COLEC10: variants seen among roughly 807,000 people sequenced by gnomAD.
COLEC10 encodes collectin-10.
A neutral mutation model predicts 28.4 loss-of-function variants in COLEC10; 22 were observed. The ratio of observed to expected loss-of-function variants is 0.78; its 90% CI spans 0.55 to 1.11. The LOEUF (loss-of-function observed/expected upper bound fraction) is 1.11, where lower values mean the gene tolerates loss of function less well. Among genes scored for constraint, COLEC10 ranks in the 50% least tolerant of loss-of-function variants. The pLI, the probability that COLEC10 is intolerant of heterozygous loss-of-function variation, is 0.00. For synonymous variants in COLEC10, 125 were observed against 116.1 expected, an observed-to-expected ratio of 1.08 and a Z score of -0.49; for missense variants, 361 against 344.1, an observed-to-expected ratio of 1.05 and a Z score of -0.39.
At chr8:119,027,515 T>G (rs1014429267) in intron 2 of COLEC10, among the ~76,000 whole-genome samples, 1 of 152,182 alleles carries the variant, frequency 6.6e-6, no homozygotes, top group South Asian at 2.1e-4. Flanking sequence ...GTCATCAGTT[T>G]CCTCCTTAAA....
intron 3 of COLEC10, among the ~76,000 whole-genome samples, chr8:119,091,481 T>C (rs1815594791): frequency 6.6e-6 from 1 of 150,434 alleles, no homozygotes; most frequent in Non-Finnish European, 1.5e-5. Flanking sequence ...TTTGAGCCCA[T>C]AAGTTTGAGT....
intron 2 of COLEC10, among the ~76,000 whole-genome samples, chr8:119,059,804 C>G (rs1814822627): frequency 6.6e-6 from 1 of 152,006 alleles, no homozygotes. Context: ...GTGATGGATA[C>G]CGTGAAAGTC....
the COLEC10 span, among the ~76,000 whole-genome samples, chr8:118,958,180 C>T: frequency 6.6e-5 from 10 of 152,124 alleles, no homozygotes; most frequent in Admixed American, 2.0e-4. Context: ...CTTTCATCAC[C>T]GCAGTTTCTT....
chr8:118,972,529 G>A, the COLEC10 span, among the ~76,000 whole-genome samples: 2 of 151,806 alleles, frequency 1.3e-5, no homozygotes, highest in African/African-American at 2.4e-5. Flanking sequence ...TCAATCCAAG[G>A]TAGACCTCCA....
chr8:119,031,871 A>G (rs891279556), intron 2 of COLEC10, among the ~76,000 whole-genome samples: 4 of 150,558 alleles, frequency 2.7e-5, no homozygotes, highest in African/African-American at 9.9e-5. Flanking sequence ...ATCTTAAAGA[A>G]TGAGACCTTA....
At chr8:119,051,260 G>A (rs1814668414) in intron 2 of COLEC10, among the ~76,000 whole-genome samples, 1 of 152,122 alleles carries the variant, frequency 6.6e-6, no homozygotes, top group Non-Finnish European at 1.5e-5. Context: ...ACTGTTTCAT[G>A]TGATATTTGG....
At chr8:118,967,233 G>A in the COLEC10 span, among the ~76,000 whole-genome samples, 4 of 151,998 alleles carry the variant, frequency 2.6e-5, no homozygotes, top group Admixed American at 2.0e-4. Context: ...GATTTATTCT[G>A]ATGTACAAGT....
chr8:119,027,024 C>G (rs1269550979), intron 2 of COLEC10, among the ~76,000 whole-genome samples: 3 of 152,118 alleles, frequency 2.0e-5, no homozygotes, highest in Non-Finnish European at 4.4e-5. Flanking sequence ...ACTGTCACAC[C>G]TTGGGATGAA....
At chr8:119,061,372 A>T (rs2130196262) in intron 2 of COLEC10, among the ~76,000 whole-genome samples, 1 of 152,052 alleles carries the variant, frequency 6.6e-6, no homozygotes, top group East Asian at 1.9e-4. Flanking sequence ...ACCTACAGTT[A>T]GCCAATACAG....
chr8:119,097,265 A>C (rs1815739698), intron 3 of COLEC10, among the ~76,000 whole-genome samples: 1 of 151,926 alleles, frequency 6.6e-6, no homozygotes, highest in African/African-American at 2.4e-5. Context: ...TTTTTTTTTC[A>C]GTAAGCAAAG....
chr8:119,100,746 T>G lies in COLEC10; in HGVS notation c.293-1602T>G, dbSNP rs16892012. On this transcript the variant is annotated intron_variant, in intron 3 of 5. Transcript: ENST00000332843. Reference sequence around the variant, plus strand: ...TCTGTTCAATGTCTCTCTCACAACATGTATCACGTTCCATTGGTATAGATT... The same window carrying G: ...TCTGTTCAATGTCTCTCTCACAACAGGTATCACGTTCCATTGGTATAGATT... Among the ~76,000 whole-genome samples, 958 of 152,308 alleles carry G rather than the reference T, an allele frequency of 6.3e-3. 10 individuals carry two copies. Among genetic ancestry groups the G allele is most frequent in the African/African-American group, 0.021 (870 of 41,576 alleles).
intron 1 of COLEC10, among the ~76,000 whole-genome samples, chr8:119,003,497 A>G (rs1813736757): frequency 1.3e-5 from 2 of 152,108 alleles, no homozygotes; most frequent in African/African-American, 2.4e-5. Context: ...TTCAGCATAA[A>G]CAGAAGAAGG....
intron 2 of COLEC10, among the ~76,000 whole-genome samples, chr8:119,022,703 C>T (rs1814120933): frequency 1.3e-5 from 2 of 152,058 alleles, no homozygotes; most frequent in Admixed American, 6.6e-5. Context: ...CTAACCTCTA[C>T]TCTTCTTGCA....
intron 1 of COLEC10, among the ~76,000 whole-genome samples, chr8:119,072,677 C>T (rs998070297): frequency 6.6e-6 from 1 of 152,022 alleles, no homozygotes; most frequent in Non-Finnish European, 1.5e-5. Context: ...GAGGAAATGT[C>T]TACTTCAGTC....
intron 3 of COLEC10, among the ~76,000 whole-genome samples, chr8:119,097,834 C>T (rs557495060): frequency 1.3e-5 from 2 of 151,974 alleles, no homozygotes; most frequent in South Asian, 2.1e-4. Context: ...GAGGGTAAGT[C>T]GCTGCCATGA....
At chr8:119,029,252 G>T (rs139177772) in intron 2 of COLEC10, among the ~76,000 whole-genome samples, 1 of 152,096 alleles carries the variant, frequency 6.6e-6, no homozygotes, top group South Asian at 2.1e-4. Flanking sequence ...TCAGATTTTC[G>T]TTTTGCAAAG....
the COLEC10 span, among the ~76,000 whole-genome samples, chr8:118,964,095 G>A: frequency 6.6e-6 from 1 of 152,122 alleles, no homozygotes; most frequent in Non-Finnish European, 1.5e-5. Context: ...AAGTCAGGGA[G>A]GACCTCTTTA....
chr8:119,101,338 G>T (rs1815821306), intron 3 of COLEC10, among the ~76,000 whole-genome samples: 1 of 151,884 alleles, frequency 6.6e-6, no homozygotes, highest in South Asian at 2.1e-4. Context: ...ATCTGTCAGG[G>T]TCTTCCCTTT....
At chr8:118,953,618 C>T in the COLEC10 span, among the ~76,000 whole-genome samples, 13 of 152,092 alleles carry the variant, frequency 8.5e-5, no homozygotes, top group Non-Finnish European at 1.6e-4. Flanking sequence ...ATTGCAGAAA[C>T]GTAAGAGAAA....
Sources: allele counts gnomAD v4.1 joint callset (sites outside exome capture counted in the v4.1 genomes callset), GRCh38; gene constraint gnomAD v4.1.1; transcripts MANE v1.5; gene names NCBI Gene and HGNC (gene_info 2026-07-23, HGNC 2026-07-21).